DLG2: variants seen among roughly 807,000 people sequenced by gnomAD.
The protein encoded by DLG2 is discs large MAGUK scaffold protein 2, also known as disks large homolog 2.
A neutral mutation model predicts 132.5 loss-of-function variants in DLG2; 45 were observed. That is an observed-to-expected ratio of 0.34 (90% CI 0.27 to 0.44). The LOEUF (loss-of-function observed/expected upper bound fraction) is 0.44, where lower values mean the gene tolerates loss of function less well. DLG2 is among the 20% of genes least tolerant of loss of function. The pLI is 1.00. For missense variants in DLG2, 1,045 were observed against 1,196.9 expected (o/e 0.87, Z 1.87); for synonymous variants, 424 against 419.6 (o/e 1.01, Z -0.13).
chr11:84,338,391 TA>T (rs2098497921), intron 7 of DLG2, among the ~76,000 whole-genome samples: 1 of 152,210 alleles, frequency 6.6e-6, no homozygotes, highest in Non-Finnish European at 1.5e-5. Flanking sequence ...TTTTATAACT[TA>T]TTTTTTTTTC....
intron 22 of DLG2, among the ~76,000 whole-genome samples, chr11:83,477,831 C>CAA (rs1219746548): frequency 6.6e-6 from 1 of 151,934 alleles, no homozygotes; most frequent in African/African-American, 2.4e-5. Context: ...ATTTTGACTT[C>CAA]AAAGTTGGTA....
intron 6 of DLG2, among the ~76,000 whole-genome samples, chr11:84,813,545 A>G (rs2076794461): frequency 6.6e-6 from 1 of 152,108 alleles, no homozygotes; most frequent in African/African-American, 2.4e-5. Flanking sequence ...AAGAGAAAAG[A>G]GCTAAGACTG....
intron 8 of DLG2, among the ~76,000 whole-genome samples, chr11:84,203,891 A>G (rs1277805138): frequency 6.6e-6 from 1 of 152,184 alleles, no homozygotes; most frequent in Non-Finnish European, 1.5e-5. Context: ...ACATCTACCT[A>G]TGTAACAAGT....
intron 18 of DLG2, among the ~76,000 whole-genome samples, chr11:83,701,735 G>A (rs1171415009): frequency 6.6e-6 from 1 of 152,174 alleles, no homozygotes; most frequent in Non-Finnish European, 1.5e-5. Context: ...AAGGCATTCA[G>A]GACAAAACAA....
intron 22 of DLG2, among the ~76,000 whole-genome samples, chr11:83,478,680 A>ATAT (rs1321201061): frequency 1.3e-5 from 2 of 152,046 alleles, no homozygotes; most frequent in East Asian, 1.9e-4. Context: ...TGTATAGTAT[A>ATAT]TATTTTCCAT....
chr11:83,740,314 T>C (rs1174565094), intron 18 of DLG2, among the ~76,000 whole-genome samples: 2 of 152,152 alleles, frequency 1.3e-5, no homozygotes, highest in Non-Finnish European at 2.9e-5. Flanking sequence ...TGGAATACTA[T>C]ACAACACTAA....
At chr11:85,476,915 C>A (rs2093160318) in intron 3 of DLG2, among the ~76,000 whole-genome samples, 1 of 151,958 alleles carries the variant, frequency 6.6e-6, no homozygotes, top group South Asian at 2.1e-4. Flanking sequence ...AATACCTAAA[C>A]CAGTGACATG....
chr11:84,387,972 T>C (rs1443402819), intron 7 of DLG2, among the ~76,000 whole-genome samples: 1 of 152,102 alleles, frequency 6.6e-6, no homozygotes, highest in Non-Finnish European at 1.5e-5. Flanking sequence ...AGGGAAAACT[T>C]TAGTGTGGAG....
intron 7 of DLG2, among the ~76,000 whole-genome samples, chr11:84,281,880 G>T (rs950983659): frequency 6.6e-6 from 1 of 152,112 alleles, no homozygotes; most frequent in African/African-American, 2.4e-5. Flanking sequence ...TGTTGGTGAT[G>T]ATGTGGAAGA....
At chr11:84,575,590 T>G (rs74775139) in intron 6 of DLG2, among the ~76,000 whole-genome samples, 1 of 152,196 alleles carries the variant, frequency 6.6e-6, no homozygotes, top group Non-Finnish European at 1.5e-5. Flanking sequence ...GGGGTACATG[T>G]GATATTTTTG....
chr11:84,373,268 A>AAAAAAAAAAAAAAAAAAAAAC (rs1567449347), intron 7 of DLG2, among the ~76,000 whole-genome samples: 1 of 135,744 alleles, frequency 7.4e-6, no homozygotes, highest in Non-Finnish European at 1.5e-5. Flanking sequence ...AAAAAAACAA[A>AAAAAAAAAAAAAAAAAAAAAC]ACAAAAAAAA....
At chr11:84,934,401 G>C (rs545556437) in intron 6 of DLG2, among the ~76,000 whole-genome samples, 3 of 151,796 alleles carry the variant, frequency 2.0e-5, no homozygotes, top group African/African-American at 4.8e-5. Flanking sequence ...ATGAGTCAGG[G>C]AGGAGTCCTG....
At chr11:85,442,801 G>T (rs1335754863) in intron 3 of DLG2, among the ~76,000 whole-genome samples, 1 of 152,156 alleles carries the variant, frequency 6.6e-6, no homozygotes, top group Non-Finnish European at 1.5e-5. Flanking sequence ...AAGGTTACTT[G>T]AGGCCAGCAG....
chr11:84,707,007 C>A (rs2059856813), intron 6 of DLG2, among the ~76,000 whole-genome samples: 1 of 151,750 alleles, frequency 6.6e-6, no homozygotes. Flanking sequence ...TGCAGAACAC[C>A]TAGCTGTGAC....
At chr11:85,025,446 T>C (rs2060435997) in intron 6 of DLG2, among the ~76,000 whole-genome samples, 1 of 152,174 alleles carries the variant, frequency 6.6e-6, no homozygotes, top group Non-Finnish European at 1.5e-5. Flanking sequence ...ATGGTTGTAA[T>C]TTAGACCAAA....
intron 6 of DLG2, among the ~76,000 whole-genome samples, chr11:84,871,599 CA>C (rs2085466544): frequency 6.6e-6 from 1 of 150,934 alleles, no homozygotes; most frequent in Admixed American, 6.7e-5. Flanking sequence ...TTTTAATCTG[CA>C]AAAAAGCAAG....
intron 16 of DLG2, among the ~76,000 whole-genome samples, chr11:83,846,499 T>C (rs2058630198): frequency 6.6e-6 from 1 of 152,192 alleles, no homozygotes; most frequent in Non-Finnish European, 1.5e-5. Context: ...GGTTAATTAA[T>C]AATTCTAAAG....
At chr11:84,734,527 G>T (rs2063572126) in intron 6 of DLG2, among the ~76,000 whole-genome samples, 1 of 152,130 alleles carries the variant, frequency 6.6e-6, no homozygotes, top group Non-Finnish European at 1.5e-5. Context: ...TCAGCTTAAG[G>T]AGATTTTGGG....
chr11:85,233,521 T>A (rs2075412106), intron 4 of DLG2, among the ~76,000 whole-genome samples: 1 of 151,832 alleles, frequency 6.6e-6, no homozygotes. Context: ...CACTCACTTG[T>A]GGGGATCTCT....
Sources: allele counts gnomAD v4.1 joint callset (sites outside exome capture counted in the v4.1 genomes callset), GRCh38; gene constraint gnomAD v4.1.1; transcripts MANE v1.5; gene names NCBI Gene and HGNC (gene_info 2026-07-23, HGNC 2026-07-21).